The following RBFOX1 variants were observed in gnomAD, a reference collection of about 807,000 sequenced individuals.
RBFOX1 encodes the protein RNA binding fox-1 homolog 1, also known as RNA binding protein fox-1 homolog 1.
Under a neutral mutation model 57.7 loss-of-function variants are expected in RBFOX1, and 8 were observed. The observed-to-expected ratio is 0.14, with a 90% CI of 0.08 to 0.25. The LOEUF is 0.25. Among genes scored for constraint, RBFOX1 ranks in the 10% least tolerant of loss-of-function variants. The probability of loss-of-function intolerance (pLI) is 1.00; values close to 1 mark genes in which losing one functional copy is unlikely to be tolerated. For synonymous variants in RBFOX1, 326 were observed against 222.4 expected, an observed-to-expected ratio of 1.47 and a Z score of -4.15; for missense variants, 611 against 548.5, an observed-to-expected ratio of 1.11 and a Z score of -1.14.
intron 2 of RBFOX1, among the ~76,000 whole-genome samples, chr16:6,479,822 G>A (rs532643374): frequency 1.2e-4 from 18 of 152,124 alleles, no homozygotes; most frequent in African/African-American, 4.3e-4. Flanking sequence ...GGCCGAGGCA[G>A]GCAGATCATT....
chr16:6,638,304 T>C (rs1168580202), intron 2 of RBFOX1, among the ~76,000 whole-genome samples: 1 of 152,138 alleles, frequency 6.6e-6, no homozygotes, highest in Non-Finnish European at 1.5e-5. Flanking sequence ...AGAATTAAAA[T>C]TAGTGTTTTA....
At chr16:5,778,104 G>C (rs1031297337) in intron 3 of RBFOX1, among the ~76,000 whole-genome samples, 1 of 152,112 alleles carries the variant, frequency 6.6e-6, no homozygotes, top group African/African-American at 2.4e-5. Flanking sequence ...TTCCAGCTTT[G>C]TACCGTTGAC....
chr16:7,654,826 G>C (rs919769394), intron 12 of RBFOX1, among the ~76,000 whole-genome samples: 2 of 152,160 alleles, frequency 1.3e-5, no homozygotes, highest in East Asian at 3.9e-4. Context: ...GTCACAACAG[G>C]AATGGAGAGA....
intron 1 of RBFOX1, among the ~76,000 whole-genome samples, chr16:6,075,340 A>C (rs1275790252): frequency 2.0e-5 from 3 of 152,254 alleles, no homozygotes; most frequent in African/African-American, 7.2e-5. Context: ...TCATTTATTC[A>C]TCTGTTTAAC....
At chr16:5,681,466 G>A (rs890368017) in intron 3 of RBFOX1, among the ~76,000 whole-genome samples, 13 of 148,356 alleles carry the variant, frequency 8.8e-5, no homozygotes, top group Non-Finnish European at 1.8e-4. Flanking sequence ...TCAGCTCACT[G>A]CAACCTCCCC....
intron 3 of RBFOX1, among the ~76,000 whole-genome samples, chr16:5,703,407 G>C (rs1307471124): frequency 6.6e-6 from 1 of 152,224 alleles, no homozygotes; most frequent in Non-Finnish European, 1.5e-5. Flanking sequence ...TGGTTCACTG[G>C]AGGGTCGGCA....
chr16:6,423,667 G>T (rs1396748851), intron 2 of RBFOX1, among the ~76,000 whole-genome samples: 5 of 152,138 alleles, frequency 3.3e-5, no homozygotes, highest in Non-Finnish European at 7.4e-5. Flanking sequence ...AGCAGAGAAA[G>T]ACCAAGAGCA....
At chr16:6,563,472 T>A (rs1353212068) in intron 2 of RBFOX1, among the ~76,000 whole-genome samples, 1 of 152,090 alleles carries the variant, frequency 6.6e-6, no homozygotes, top group Non-Finnish European at 1.5e-5. Context: ...ATTTGGTGCA[T>A]CCCTAGAGCC....
rs151158042 is a variant in RBFOX1 at position 6,398,060 on chromosome 16, A to T, written c.-64+81003A>T. Among the ~76,000 whole-genome samples the T allele has an allele frequency of 1.9e-3, 283 of 152,316 alleles. 4 individuals carry two copies. In the East Asian group the frequency reaches 0.022, roughly 12 times the overall value. Reference sequence around the variant, plus strand: ...CAACTATGTCAGGAAACTTACAATTATGGCAGAAGGGTAAGCAAACACGTC... The same window carrying T: ...CAACTATGTCAGGAAACTTACAATTTTGGCAGAAGGGTAAGCAAACACGTC... On this transcript the variant is annotated intron_variant, in intron 2 of 15. Coordinates refer to ENST00000550418, the MANE Select transcript of RBFOX1 (RefSeq NM_018723.4).
chr16:7,632,269 C>G (rs548342891), intron 11 of RBFOX1, among the ~76,000 whole-genome samples: 1 of 152,178 alleles, frequency 6.6e-6, no homozygotes, highest in Non-Finnish European at 1.5e-5. Flanking sequence ...TTTTCTGTGC[C>G]TCCCAAGAAG....
At chr16:6,970,185 A>T (rs993778403) in intron 3 of RBFOX1, among the ~76,000 whole-genome samples, 6 of 152,030 alleles carry the variant, frequency 3.9e-5, no homozygotes, top group Non-Finnish European at 8.8e-5. Flanking sequence ...GGGGAAAAAA[A>T]TAAAAAAGAA....
At chr16:7,313,104 C>T (rs976596587) in intron 4 of RBFOX1, among the ~76,000 whole-genome samples, 1 of 152,152 alleles carries the variant, frequency 6.6e-6, no homozygotes, top group Non-Finnish European at 1.5e-5. Flanking sequence ...ACTTCCACAT[C>T]ACTCTTCATC....
chr16:6,879,058 C>G (rs1346197009), intron 3 of RBFOX1, among the ~76,000 whole-genome samples: 1 of 152,104 alleles, frequency 6.6e-6, no homozygotes, highest in Non-Finnish European at 1.5e-5. Flanking sequence ...GTGTTTCAGC[C>G]CACTCTTTTA....
rs531308798 is a variant in RBFOX1, at chr16:6,960,275, G to A, written c.-15-91782G>A. 1.2e-4 allele frequency among the ~76,000 whole-genome samples: 18 copies of A among 152,220 alleles called. No homozygotes were observed. In the East Asian group the frequency reaches 3.1e-3, roughly 26 times the overall value. ...TGAGGCTGCAGAGGAAGGTCTTCAG[G>A]CCTCAGATCTTATAGATGAGAAGTT... is the stretch of plus-strand genomic sequence containing the variant. On this transcript the variant is annotated intron_variant, in intron 3 of 15. Coordinates refer to ENST00000550418, the MANE Select transcript of RBFOX1 (RefSeq NM_018723.4).
chr16:7,134,926 C>CTTT (rs575938480), intron 4 of RBFOX1, among the ~76,000 whole-genome samples: 1 of 141,964 alleles, frequency 7.0e-6, no homozygotes, highest in East Asian at 2.0e-4. Context: ...TTGAATTTAT[C>CTTT]TTTTTTTTTT....
At chr16:6,380,464 T>A in intron 2 of RBFOX1, among the ~76,000 whole-genome samples, 1 of 126,696 alleles carries the variant, frequency 7.9e-6, no homozygotes. Flanking sequence ...CTCAGCAGCT[T>A]GGGTCTAGAC....
intron 2 of RBFOX1, among the ~76,000 whole-genome samples, chr16:6,433,608 G>A (rs1045410624): frequency 6.6e-6 from 1 of 152,154 alleles, no homozygotes; most frequent in Non-Finnish European, 1.5e-5. Flanking sequence ...TTATCCTCGG[G>A]TTCTAGAGAT....
chr16:5,762,563 C>T (rs542581464), intron 3 of RBFOX1, among the ~76,000 whole-genome samples: 1 of 152,170 alleles, frequency 6.6e-6, no homozygotes, highest in African/African-American at 2.4e-5. Context: ...GGAAATTTCC[C>T]CGCGGGGAAT....
At chr16:5,706,669 A>G (rs1400793259) in intron 3 of RBFOX1, among the ~76,000 whole-genome samples, 1 of 152,124 alleles carries the variant, frequency 6.6e-6, no homozygotes, top group Non-Finnish European at 1.5e-5. Context: ...TTGCAATTCC[A>G]ATATTTATGT....
Sources: allele counts gnomAD v4.1 joint callset (sites outside exome capture counted in the v4.1 genomes callset), GRCh38; gene constraint gnomAD v4.1.1; transcripts MANE v1.5; gene names NCBI Gene and HGNC (gene_info 2026-07-23, HGNC 2026-07-21).